The following DLGAP1 variants were observed in gnomAD, a reference collection of about 807,000 sequenced individuals.
DLGAP1 encodes disks large-associated protein 1.
Under a neutral mutation model 90.8 loss-of-function variants are expected in DLGAP1, and 11 were observed. The observed-to-expected ratio is 0.12, with a 90% CI of 0.08 to 0.20. DLGAP1 has a LOEUF of 0.20. Among genes scored for constraint, DLGAP1 ranks in the 10% least tolerant of loss-of-function variants. The pLI is 1.00. For synonymous variants in DLGAP1, 558 were observed against 540.7 expected (o/e 1.03, Z -0.44); for missense variants, 1,050 against 1,333.8 (o/e 0.79, Z 3.31).
intron 1 of DLGAP1, among the ~76,000 whole-genome samples, chr18:4,192,644 A>G (rs1226085003): frequency 6.6e-6 from 1 of 152,176 alleles, no homozygotes; most frequent in African/African-American, 2.4e-5. Flanking sequence ...GAGAGGGATT[A>G]ACATTAAAGT....
chr18:3,626,802 G>T (rs1254179826), intron 7 of DLGAP1, among the ~76,000 whole-genome samples: 1 of 151,902 alleles, frequency 6.6e-6, no homozygotes. Flanking sequence ...GGAGGCTGAG[G>T]CAGGAGAATC....
At chr18:4,205,655 G>C (rs763545687) in intron 1 of DLGAP1, among the ~76,000 whole-genome samples, 1 of 152,140 alleles carries the variant, frequency 6.6e-6, no homozygotes, top group Non-Finnish European at 1.5e-5. Context: ...ACCATGCCCA[G>C]CCTTAAATGT....
In DLGAP1 at chr18:3,499,577, A is replaced by C. The variant is rs946446204; in HGVS notation, c.2725-183T>G. 3.9e-5 allele frequency among the ~76,000 whole-genome samples: 6 copies of C among 152,104 alleles called. No individual in the cohort carries two copies. Among genetic ancestry groups the C allele is most frequent in the African/African-American group, 1.4e-4 (6 of 41,442 alleles). On this transcript the variant is annotated intron_variant, in intron 12 of 12. Coordinates refer to ENST00000315677, the MANE Select transcript of DLGAP1 (RefSeq NM_004746.4). The surrounding 1 kb of genome is among the most constrained non-coding windows in gnomAD (Gnocchi z 6.4). The stretch of plus-strand genomic sequence containing the variant: ...CTTGGGCATTCAAAAGATGCAGAAA[A>C]AAAAAAATCCCGGTAAGCTTAAGGC...
At chr18:3,691,465 CAT>C (rs1381546969) in intron 7 of DLGAP1, among the ~76,000 whole-genome samples, 10 of 149,980 alleles carry the variant, frequency 6.7e-5, no homozygotes, top group African/African-American at 2.4e-4. Context: ...GTTAAATGAA[CAT>C]GTGTATGACT....
intron 1 of DLGAP1, among the ~76,000 whole-genome samples, chr18:4,262,484 C>T (rs548595221): frequency 1.5e-4 from 23 of 152,174 alleles, no homozygotes; most frequent in Non-Finnish European, 2.6e-4. Flanking sequence ...ACAAATAAAA[C>T]AAATGAATGC....
chr18:4,281,354 C>T (rs959282490), intron 1 of DLGAP1, among the ~76,000 whole-genome samples: 6 of 152,088 alleles, frequency 3.9e-5, no homozygotes, highest in African/African-American at 1.4e-4. Flanking sequence ...AGTTCGCAAT[C>T]AGCCTGGCCA....
intron 7 of DLGAP1, among the ~76,000 whole-genome samples, chr18:3,590,590 C>G (rs1186274669): frequency 6.6e-6 from 1 of 152,080 alleles, no homozygotes; most frequent in East Asian, 1.9e-4. Flanking sequence ...TACGGTGGCC[C>G]ACACCTGTAA....
chr18:4,018,546 C>A (rs1294386729), intron 2 of DLGAP1, among the ~76,000 whole-genome samples: 5 of 152,186 alleles, frequency 3.3e-5, no homozygotes, highest in Non-Finnish European at 7.3e-5. Flanking sequence ...CTAAAACCGG[C>A]AAGTTTAAAT....
chr18:3,895,971 TTC>T (rs963349676), intron 3 of DLGAP1: 15 of 152,244 alleles, frequency 9.9e-5, no homozygotes, highest in African/African-American at 3.6e-4. Flanking sequence ...GGAAGATTTT[TTC>T]TCTTTCTGTA....
intron 7 of DLGAP1, among the ~76,000 whole-genome samples, chr18:3,673,140 A>G (rs2060159716): frequency 6.6e-6 from 1 of 151,974 alleles, no homozygotes; most frequent in Admixed American, 6.6e-5. Flanking sequence ...TTTACTTCAC[A>G]TGCCTTGTAC....
At chr18:3,955,434 G>A (rs565597398) in intron 3 of DLGAP1, among the ~76,000 whole-genome samples, 19 of 152,198 alleles carry the variant, frequency 1.2e-4, no homozygotes, top group East Asian at 1.9e-4. Context: ...GAGACAGGCC[G>A]GGCGCCGTGG....
chr18:3,812,728 C>T (rs1317066758), intron 5 of DLGAP1, among the ~76,000 whole-genome samples: 2 of 152,166 alleles, frequency 1.3e-5, no homozygotes, highest in African/African-American at 4.8e-5. Context: ...CCGTCTCTGT[C>T]CGGATCTTTA....
intron 3 of DLGAP1, among the ~76,000 whole-genome samples, chr18:3,944,093 A>G (rs1568312555): frequency 6.6e-6 from 1 of 152,162 alleles, no homozygotes; most frequent in South Asian, 2.1e-4. Context: ...TGCACATTTC[A>G]TCACTTCTGT....
At chr18:4,241,069 C>A (rs1283175220) in intron 1 of DLGAP1, among the ~76,000 whole-genome samples, 2 of 152,158 alleles carry the variant, frequency 1.3e-5, no homozygotes, top group African/African-American at 4.8e-5. Flanking sequence ...TTGAGCAATT[C>A]ATTTTTGGTT....
At chr18:4,266,693 C>G (rs1341568929) in intron 1 of DLGAP1, among the ~76,000 whole-genome samples, 1 of 152,174 alleles carries the variant, frequency 6.6e-6, no homozygotes, top group Non-Finnish European at 1.5e-5. Context: ...GCTGGAAAGT[C>G]AAAACTAAAA....
intron 5 of DLGAP1, among the ~76,000 whole-genome samples, chr18:3,786,293 ATTAT>A (rs574809549): frequency 1.0e-3 from 153 of 152,222 alleles, no homozygotes; most frequent in African/African-American, 3.6e-3. Flanking sequence ...ATTCAAATGC[ATTAT>A]TTTGCACCAA....
intron 7 of DLGAP1, among the ~76,000 whole-genome samples, chr18:3,668,907 C>T (rs1012956747): frequency 1.3e-5 from 2 of 152,054 alleles, no homozygotes; most frequent in African/African-American, 4.8e-5. Context: ...TCGTTTGAAC[C>T]TGGGAGGCGG....
chr18:4,181,801 A>G (rs2077212835), intron 1 of DLGAP1, among the ~76,000 whole-genome samples: 1 of 152,108 alleles, frequency 6.6e-6, no homozygotes, highest in Admixed American at 6.6e-5. Context: ...TTCGGTAGAT[A>G]ATGTTTTGTT....
intron 1 of DLGAP1, among the ~76,000 whole-genome samples, chr18:4,412,007 T>C (rs915262560): frequency 4.6e-5 from 7 of 152,164 alleles, no homozygotes; most frequent in Admixed American, 3.3e-4. Flanking sequence ...AGGGAGAATG[T>C]CAGGGGAGTT....
Sources: gnomAD v4.1 joint callset for allele counts (sites outside exome capture counted in the v4.1 genomes callset) on GRCh38, gnomAD v4.1.1 for gene constraint, Gnocchi (gnomAD v3.1) non-coding constraint, MANE v1.5 for transcripts, NCBI Gene and HGNC (gene_info 2026-07-23, HGNC 2026-07-21) for gene names.